Variants in DHRS3 observed in about 807,000 individuals in gnomAD.
DHRS3 encodes the protein short-chain dehydrogenase/reductase 3.
Under a neutral mutation model 27.2 loss-of-function variants are expected in DHRS3, and 14 were observed. The observed-to-expected ratio is 0.52, with a 90% CI of 0.34 to 0.81. DHRS3 has a LOEUF of 0.81. DHRS3 is among the 30% of genes least tolerant of loss of function. The pLI is 0.01. For synonymous variants in DHRS3, 165 were observed against 175.9 expected (o/e 0.94, Z 0.49); for missense variants, 322 against 406.2 (o/e 0.79, Z 1.78).
chr1:12,568,671 A>C (rs1401830969), intron 5 of DHRS3, among the ~76,000 whole-genome samples: 1 of 152,290 alleles, frequency 6.6e-6, no homozygotes, highest in East Asian at 1.9e-4. Flanking sequence ...CATGTCTATA[A>C]TCCAAGTACT....
intron 1 of DHRS3, among the ~76,000 whole-genome samples, chr1:12,596,576 A>G (rs1646799442): frequency 6.6e-6 from 1 of 151,918 alleles, no homozygotes; most frequent in Admixed American, 6.6e-5. Flanking sequence ...GGACCGCACT[A>G]ACTTGGCAGC....
intron 1 of DHRS3, among the ~76,000 whole-genome samples, chr1:12,614,217 G>T (rs1646928993): frequency 6.6e-6 from 1 of 152,184 alleles, no homozygotes; most frequent in Non-Finnish European, 1.5e-5. Flanking sequence ...ACTTCTAAAT[G>T]AACGGTCCAC....
chr1:12,608,755 G>A lies in DHRS3; in HGVS notation c.195+8399C>T, dbSNP rs1646887785. ...GAAGGTGTTCCTCTTGCAGGGCCCA[G>A]GTCTGCATTTTCGAGCCCTCCCCAC... On this transcript the variant is annotated intron_variant, in intron 1 of 5. Transcript: ENST00000616661. This position sits in a 1 kb window ranked among gnomAD's most constrained non-coding sequence, Gnocchi z 4.1. Among the ~76,000 whole-genome samples, 1 of 152,182 alleles carries A rather than the reference G, an allele frequency of 6.6e-6. No homozygotes were observed. The highest frequency in any genetic ancestry group is 1.5e-5 in the Non-Finnish European group (1 of 68,036).
intron 2 of DHRS3, chr1:12,580,306 C>T: frequency 1.7e-6 from 1 of 603,968 alleles, no homozygotes; most frequent in Non-Finnish European, 2.9e-6. Context: ...TCTACATTTC[C>T]AAGGGAACAA....
At chr1:12,583,085 C>G (rs1006606873) in intron 1 of DHRS3, among the ~76,000 whole-genome samples, 5 of 150,646 alleles carry the variant, frequency 3.3e-5, no homozygotes, top group African/African-American at 9.8e-5. Flanking sequence ...AATCTGTCCA[C>G]TCACCTATCC....
intron 1 of DHRS3, among the ~76,000 whole-genome samples, chr1:12,588,533 T>C (rs1012706111): frequency 3.3e-5 from 5 of 152,196 alleles, no homozygotes; most frequent in Non-Finnish European, 7.3e-5. Flanking sequence ...GCATGCTGAC[T>C]GGTGAACACC....
intron 1 of DHRS3, chr1:12,616,840 G>GGGGCGGGGGC: frequency 1.8e-6 from 1 of 555,222 alleles, no homozygotes. Context: ...GGGGAGGGGG[G>GGGGCGGGGGC]CACAACACCT....
chr1:12,585,806 G>C (rs1378520057), intron 1 of DHRS3, among the ~76,000 whole-genome samples: 1 of 152,252 alleles, frequency 6.6e-6, no homozygotes, highest in East Asian at 1.9e-4. Context: ...CATGAGGACT[G>C]GGCGGGCGGA....
At chr1:12,609,630 T>C (rs1183947984) in intron 1 of DHRS3, among the ~76,000 whole-genome samples, 1 of 152,190 alleles carries the variant, frequency 6.6e-6, no homozygotes, top group African/African-American at 2.4e-5. Flanking sequence ...GGAGGAGGCA[T>C]GGAAACCTGG....
chr1:12,600,428 G>A (rs1570392682), intron 1 of DHRS3: 3 of 982,876 alleles, frequency 3.1e-6, no homozygotes, highest in Non-Finnish European at 2.4e-6. Flanking sequence ...GTGGCCCGGA[G>A]AGGCCAGGTC....
intron 5 of DHRS3, among the ~76,000 whole-genome samples, chr1:12,569,203 G>A (rs907762635): frequency 0.013 from 21 of 1,562 alleles, no homozygotes; most frequent in Non-Finnish European, 0.027. Context: ...GGCGACAAGA[G>A]TAAAACTCTG....
intron 1 of DHRS3, among the ~76,000 whole-genome samples, chr1:12,584,008 G>T (rs1156807916): frequency 7.2e-6 from 1 of 139,006 alleles, no homozygotes; most frequent in Non-Finnish European, 1.5e-5. Context: ...CAGCCCAAGG[G>T]GTAGGTAATC....
At position 12,601,604 on chromosome 1, in the gene DHRS3, G is replaced by A. The variant is rs188080582; in HGVS notation, c.195+15550C>T. On this transcript the variant is annotated intron_variant, in intron 1 of 5. Coordinates refer to ENST00000616661, the MANE Select transcript of DHRS3 (RefSeq NM_004753.7). ...GAGGAACACCTCCAGAGCCCCCATC[G>A]GGAAAGCTGGAGGTGATGTTGTTTG... Among the ~76,000 whole-genome samples, 113 of 152,204 alleles carry A rather than the reference G, an allele frequency of 7.4e-4. 2 individuals carry two copies. The East Asian group carries it at 0.021, about 29-fold the overall frequency.
intron 5 of DHRS3, among the ~76,000 whole-genome samples, chr1:12,570,856 T>C (rs567370749): frequency 1.1e-3 from 172 of 152,336 alleles, no homozygotes; most frequent in Non-Finnish European, 1.8e-3. Flanking sequence ...GGGTGCCCCC[T>C]TCCCTGTGCC....
rs1329016711 is a variant in DHRS3, at chr1:12,592,967, G to A, written c.196-12301C>T. ...CACCACTTCTCGCCACCTCCACGGCGCCTTGGGGCCCTGCCTCAGCGCCCT... is the reference window on the plus strand; with the variant it reads ...CACCACTTCTCGCCACCTCCACGGCACCTTGGGGCCCTGCCTCAGCGCCCT... On this transcript the variant is annotated intron_variant, in intron 1 of 5. Coordinates refer to ENST00000616661, the MANE Select transcript of DHRS3 (RefSeq NM_004753.7). This position sits in a 1 kb window ranked among gnomAD's most constrained non-coding sequence, Gnocchi z 4.2. Among the ~76,000 whole-genome samples the A allele has an allele frequency of 3.3e-5, 5 of 152,186 alleles. No individual in the cohort carries two copies. The highest frequency in any genetic ancestry group is 1.2e-4 in the African/African-American group (5 of 41,448).
intron 1 of DHRS3, among the ~76,000 whole-genome samples, chr1:12,602,844 C>A (rs2100711115): frequency 1.3e-5 from 2 of 152,380 alleles, no homozygotes; most frequent in African/African-American, 4.8e-5. Flanking sequence ...GCCGGCACCA[C>A]AAATTGCATG....
Position 12,595,333 on chromosome 1 carries a change from G to A in DHRS3, c.196-14667C>T, listed in dbSNP as rs947081775. On this transcript the variant is annotated intron_variant, in intron 1 of 5. Coordinates refer to ENST00000616661, the MANE Select transcript of DHRS3 (RefSeq NM_004753.7). The stretch of plus-strand genomic sequence containing the variant: ...GCGTGAGGGGGTGGCAGGAGGAGCC[G>A]CCAAGCCTCAGCGGGTCGGGCAGGA... 2.2e-4 allele frequency among the ~76,000 whole-genome samples: 33 copies of A among 151,336 alleles called. 1 individual carries two copies. Among genetic ancestry groups the A allele is most frequent in the Admixed American group, 5.2e-4 (8 of 15,246 alleles).
chr1:12,572,965 G>C, intron 4 of DHRS3, 112 bp from the exon 5 acceptor site: 7 of 1,341,036 alleles, frequency 5.2e-6, no homozygotes, highest in Non-Finnish European at 6.9e-6. Flanking sequence ...CTGTCTGAGA[G>C]ATTCGAGGCC....
chr1:12,610,996 C>T (rs949978502), intron 1 of DHRS3, among the ~76,000 whole-genome samples: 2 of 152,236 alleles, frequency 1.3e-5, no homozygotes, highest in South Asian at 2.1e-4. Context: ...TTTGTTACAG[C>T]GATTGTGACA....
Sources: allele counts gnomAD v4.1 joint callset (sites outside exome capture counted in the v4.1 genomes callset), GRCh38; gene constraint gnomAD v4.1.1; non-coding constraint Gnocchi (gnomAD v3.1); transcripts MANE v1.5; gene names NCBI Gene and HGNC (gene_info 2026-07-23, HGNC 2026-07-21).